Variants in PARP16 observed in about 807,000 individuals in gnomAD.
PARP16 encodes the protein poly(ADP-ribose) polymerase family member 16.
A neutral mutation model predicts 35.0 loss-of-function variants in PARP16; 31 were observed. That is an observed-to-expected ratio of 0.88 (90% CI 0.66 to 1.19). The LOEUF is 1.19. Ranked by LOEUF, PARP16 falls within the 50% of genes most tolerant of loss-of-function variation. The probability of loss-of-function intolerance (pLI) is 0.00; values close to 1 mark genes in which losing one functional copy is unlikely to be tolerated. For synonymous variants in PARP16, 162 were observed against 169.5 expected (o/e 0.96, Z 0.34); for missense variants, 424 against 411.2 (o/e 1.03, Z -0.27).
At chr15:65,251,586 G>C (rs2089359366) in intron 2 of PARP16, among the ~76,000 whole-genome samples, 1 of 148,120 alleles carries the variant, frequency 6.8e-6, no homozygotes, top group South Asian at 2.2e-4. Context: ...CACTGAAAAT[G>C]CAAGTCTCTT....
downstream of PARP16, among the ~76,000 whole-genome samples, chr15:65,234,090 G>A (rs939939489): frequency 6.6e-6 from 1 of 152,116 alleles, no homozygotes; most frequent in African/African-American, 2.4e-5. Flanking sequence ...ACAGAGCTTG[G>A]ATAACTTCTC....
At chr15:65,261,779 C>T (rs1181477927) in intron 4 of PARP16, among the ~76,000 whole-genome samples, 1 of 151,926 alleles carries the variant, frequency 6.6e-6, no homozygotes, top group Non-Finnish European at 1.5e-5. Flanking sequence ...TTTAAATGAA[C>T]CACTCTGGAT....
In PARP16 at chr15:65,286,806, G is replaced by T. The variant is rs568809339; in HGVS notation, c.-380C>A. ...CGTGTCCTCCGCGGAGGCCTGGGGCGGGAAGCAGCCCCCGGGGGACGGCGG... is the reference window on the plus strand; with the variant it reads ...CGTGTCCTCCGCGGAGGCCTGGGGCTGGAAGCAGCCCCCGGGGGACGGCGG... On this transcript the variant is annotated 5_prime_UTR_variant, in exon 1 of 6. Coordinates refer to ENST00000649807, the MANE Select transcript of PARP16 (RefSeq NM_001316943.2). The T allele has an allele frequency of 7.1e-4, 140 of 196,086 alleles. No individual in the cohort carries two copies. Among genetic ancestry groups the T allele is most frequent in the African/African-American group, 3.1e-3 (133 of 43,214 alleles). The allele number at this position is 196,086 out of a possible 1,614,324, so 12.1% of individuals were successfully genotyped here.
At chr15:65,252,339 T>C (rs1473132038) in intron 2 of PARP16, among the ~76,000 whole-genome samples, 3 of 152,256 alleles carry the variant, frequency 2.0e-5, no homozygotes, top group Non-Finnish European at 4.4e-5. Context: ...CAAATACTTT[T>C]CTAGCCCTTT....
intron 2 of PARP16, among the ~76,000 whole-genome samples, chr15:65,249,606 G>A (rs2089300245): frequency 1.3e-5 from 2 of 152,266 alleles, no homozygotes; most frequent in Admixed American, 1.3e-4. Flanking sequence ...AGACAGGAAT[G>A]CTGCTGAGCC....
At chr15:65,266,951 A>G (rs1242460597) in intron 2 of PARP16, among the ~76,000 whole-genome samples, 183 bp from the exon 3 acceptor site, 2 of 151,974 alleles carry the variant, frequency 1.3e-5, no homozygotes, top group African/African-American at 4.8e-5. Context: ...CTTTAATAAC[A>G]TTTTTCCCGG....
chr15:65,252,338 T>A (rs752549921), intron 2 of PARP16, among the ~76,000 whole-genome samples: 1 of 152,230 alleles, frequency 6.6e-6, no homozygotes, highest in Non-Finnish European at 1.5e-5. Flanking sequence ...ACAAATACTT[T>A]TCTAGCCCTT....
At chr15:65,247,566 A>G (rs146460477) in intron 3 of PARP16, among the ~76,000 whole-genome samples, 1 of 152,264 alleles carries the variant, frequency 6.6e-6, no homozygotes, top group Non-Finnish European at 1.5e-5. Flanking sequence ...TCTACAGATG[A>G]GAGGCCAGAT....
intron 3 of PARP16, among the ~76,000 whole-genome samples, chr15:65,237,400 T>A (rs1284111956): frequency 1.3e-5 from 2 of 152,180 alleles, no homozygotes; most frequent in African/African-American, 2.4e-5. Context: ...AACCTGTGAA[T>A]GTAACCAAAT....
intron 5 of PARP16, 30 bp from the exon 6 acceptor site, chr15:65,259,572 G>A: frequency 6.2e-7 from 1 of 1,602,562 alleles, no homozygotes; most frequent in Non-Finnish European, 8.5e-7. Flanking sequence ...GAGTGGTGTT[G>A]GCAAAAAGAG....
At chr15:65,243,840 C>T (rs2089140717) in intron 3 of PARP16, among the ~76,000 whole-genome samples, 1 of 152,084 alleles carries the variant, frequency 6.6e-6, no homozygotes, top group Admixed American at 6.6e-5. Context: ...TCACTCCTCC[C>T]TAAGTCCTTA....
At chr15:65,274,835 G>A (rs995296792) in intron 1 of PARP16, among the ~76,000 whole-genome samples, 1 of 151,568 alleles carries the variant, frequency 6.6e-6, no homozygotes, top group African/African-American at 2.4e-5. Context: ...ATTCATTGTC[G>A]CCAGGCGTGG....
chr15:65,256,782 C>T (rs2089525829), downstream of PARP16, among the ~76,000 whole-genome samples: 1 of 152,158 alleles, frequency 6.6e-6, no homozygotes, highest in Non-Finnish European at 1.5e-5. Flanking sequence ...ACTGCCTCTT[C>T]CTTTATAACC....
At chr15:65,271,753 C>G (rs1001366008) in intron 1 of PARP16, among the ~76,000 whole-genome samples, 13 of 152,138 alleles carry the variant, frequency 8.5e-5, no homozygotes, top group Admixed American at 8.5e-4. Context: ...ATGATACATG[C>G]ACATGTGGGT....
At position 65,241,340 on chromosome 15, in the gene PARP16, C is replaced by A. The variant is rs536917666; in HGVS notation, c.*98-6517G>T. On this transcript the variant is annotated intron_variant and NMD_transcript_variant, in intron 3 of 3. Transcript: ENST00000559805. ...GTTTTTAGTAGAGACGGGGTTTCAC[C>A]ATGTTGGCCAGGCTGGTCTCGAACT... is the stretch of plus-strand genomic sequence containing the variant. 1.6e-4 allele frequency among the ~76,000 whole-genome samples: 25 copies of A among 152,168 alleles called. No homozygotes were observed. In the South Asian group the frequency reaches 5.2e-3, roughly 32 times the overall value.
chr15:65,234,283 A>C (rs1487671963), downstream of PARP16, among the ~76,000 whole-genome samples: 1 of 152,182 alleles, frequency 6.6e-6, no homozygotes, highest in Non-Finnish European at 1.5e-5. Flanking sequence ...CATCAGGCTC[A>C]GAGCTAACTT....
downstream of PARP16, among the ~76,000 whole-genome samples, chr15:65,232,804 A>G (rs1176272168): frequency 1.3e-5 from 2 of 152,052 alleles, no homozygotes; most frequent in African/African-American, 4.8e-5. Context: ...ACCTGTAATT[A>G]CAGCACTTTG....
chr15:65,255,940 A>C (rs910761562), downstream of PARP16, among the ~76,000 whole-genome samples: 1 of 152,034 alleles, frequency 6.6e-6, no homozygotes, highest in African/African-American at 2.4e-5. Flanking sequence ...AAACTGCAAA[A>C]ACTTCCCATC....
intron 1 of PARP16, among the ~76,000 whole-genome samples, chr15:65,281,606 G>A (rs1002868903): frequency 2.6e-5 from 4 of 151,376 alleles, no homozygotes; most frequent in African/African-American, 4.9e-5. Context: ...CAGGAGAATC[G>A]CTTGAACCCA....
Sources: gnomAD v4.1 joint callset for allele counts (sites outside exome capture counted in the v4.1 genomes callset) on GRCh38, gnomAD v4.1.1 for gene constraint, MANE v1.5 for transcripts, NCBI Gene and HGNC (gene_info 2026-07-23, HGNC 2026-07-21) for gene names.